LEKR1: variants seen among roughly 807,000 people sequenced by gnomAD.
LEKR1 encodes protein LEKR1.
A neutral mutation model predicts 72.4 loss-of-function variants in LEKR1; 59 were observed. The observed-to-expected ratio is 0.82, with a 90% confidence interval of 0.66 to 1.01. The LOEUF (loss-of-function observed/expected upper bound fraction) is 1.01. Ranked by LOEUF, LEKR1 falls within the 50% of genes least tolerant of loss-of-function variation. The pLI, the probability that LEKR1 is intolerant of heterozygous loss-of-function variation, is 0.00. For synonymous variants in LEKR1, 257 were observed against 263.2 expected (o/e 0.98, Z 0.23); for missense variants, 728 against 759.2 (o/e 0.96, Z 0.48).
Position 156,837,656 on chromosome 3 carries a change from G to A in LEKR1, c.48+8279G>A, listed in dbSNP as rs955880348. 2.0e-5 allele frequency among the ~76,000 whole-genome samples: 3 copies of A among 152,184 alleles called. No individual in the cohort carries two copies. The East Asian group carries it at 5.8e-4, about 29-fold the overall frequency. On this transcript the variant is annotated intron_variant, in intron 2 of 12. Coordinates refer to ENST00000356539, the MANE Select transcript of LEKR1 (RefSeq NM_001004316.3). ...ACTGAGAGGAAAGGAGTGAAACAAT[G>A]TGAATATTCATAGCACAAAGTGCAC...
intron 6 of LEKR1, among the ~76,000 whole-genome samples, chr3:156,960,366 AC>A (rs1459327999): frequency 6.6e-6 from 1 of 151,992 alleles, no homozygotes; most frequent in African/African-American, 2.4e-5. Flanking sequence ...GCTCACTGCA[AC>A]CTCCACCTCC....
intron 3 of LEKR1, among the ~76,000 whole-genome samples, chr3:156,909,634 C>T (rs183594404): frequency 4.3e-4 from 57 of 133,046 alleles, no homozygotes; most frequent in Admixed American, 1.3e-3. Flanking sequence ...CTGGGAGAGG[C>T]GACAGAGTGA....
intron 10 of LEKR1, among the ~76,000 whole-genome samples, chr3:157,023,178 T>C (rs73873772): frequency 3.9e-4 from 59 of 152,280 alleles, no homozygotes; most frequent in African/African-American, 1.4e-3. Flanking sequence ...TTTCTCCCAA[T>C]TTACCTGGCT....
chr3:157,036,304 T>TA (rs941388413), intron 12 of LEKR1, among the ~76,000 whole-genome samples: 26 of 151,942 alleles, frequency 1.7e-4, no homozygotes, highest in Admixed American at 7.2e-4. Context: ...ACTGAAATTT[T>TA]AAAAAAATCA....
chr3:157,036,158 A>G (rs1734955701), intron 12 of LEKR1, among the ~76,000 whole-genome samples: 1 of 152,228 alleles, frequency 6.6e-6, no homozygotes, highest in African/African-American at 2.4e-5. Flanking sequence ...AAAAAATACA[A>G]AACAATACAG....
intron 3 of LEKR1, among the ~76,000 whole-genome samples, chr3:156,881,395 T>A (rs911354058): frequency 6.6e-6 from 1 of 152,124 alleles, no homozygotes; most frequent in Admixed American, 6.5e-5. Context: ...GAACTCCCAT[T>A]CACAATTGCT....
chr3:156,849,078 TG>T (rs1714991234), intron 2 of LEKR1, among the ~76,000 whole-genome samples: 1 of 152,036 alleles, frequency 6.6e-6, no homozygotes, highest in Non-Finnish European at 1.5e-5. Context: ...ACAAAATCAA[TG>T]TGCAAAAATC....
chr3:156,865,615 GCCCATT>G (rs1717222838), intron 3 of LEKR1, among the ~76,000 whole-genome samples: 1 of 140,466 alleles, frequency 7.1e-6, no homozygotes, highest in Admixed American at 7.2e-5. Context: ...CTCTATCATT[GCCCATT>G]TTCAATTCAT....
At chr3:156,893,286 G>A (rs1720840524) in intron 3 of LEKR1, among the ~76,000 whole-genome samples, 2 of 152,252 alleles carry the variant, frequency 1.3e-5, no homozygotes, top group South Asian at 2.1e-4. Flanking sequence ...AGACTTTTTA[G>A]ATTTCACGAT....
At chr3:156,876,162 G>C (rs1718551048) in intron 3 of LEKR1, among the ~76,000 whole-genome samples, 2 of 151,932 alleles carry the variant, frequency 1.3e-5, no homozygotes, top group African/African-American at 2.4e-5. Flanking sequence ...TTTATTTCTG[G>C]GTTCTCTCTT....
At chr3:156,927,398 T>A (rs926960779) in intron 4 of LEKR1, 31 bp from the exon 5 acceptor site, 2 of 916,858 alleles carry the variant, frequency 2.2e-6, no homozygotes, top group Non-Finnish European at 2.8e-6. Flanking sequence ...TACTATTTTT[T>A]AAAATCCTAT....
chr3:156,854,425 C>T (rs914672030), intron 3 of LEKR1, among the ~76,000 whole-genome samples: 3 of 152,074 alleles, frequency 2.0e-5, no homozygotes, highest in South Asian at 2.1e-4. Flanking sequence ...GCATTATAGG[C>T]GTGAGCCACT....
At chr3:156,828,189 G>T (rs922955232) in intron 1 of LEKR1, among the ~76,000 whole-genome samples, 2 of 152,242 alleles carry the variant, frequency 1.3e-5, no homozygotes, top group Non-Finnish European at 2.9e-5. Context: ...ATGAGTCTTT[G>T]TGCTAACACA....
chr3:156,898,770 A>G (rs1352434583), intron 3 of LEKR1, among the ~76,000 whole-genome samples: 1 of 152,224 alleles, frequency 6.6e-6, no homozygotes, highest in Non-Finnish European at 1.5e-5. Context: ...ACACTAAAAT[A>G]TGGGTTTAAA....
At chr3:156,839,404 T>C (rs550843585) in intron 2 of LEKR1, among the ~76,000 whole-genome samples, 1 of 152,374 alleles carries the variant, frequency 6.6e-6, no homozygotes, top group Admixed American at 6.5e-5. Flanking sequence ...GCCATCATTC[T>C]TATAGAAAAA....
chr3:157,026,177 T>C (rs1329063074), intron 11 of LEKR1, among the ~76,000 whole-genome samples: 1 of 152,184 alleles, frequency 6.6e-6, no homozygotes, highest in Non-Finnish European at 1.5e-5. Context: ...CTGCCTCCCC[T>C]AGAGGGTTCT....
At chr3:157,018,466 A>G (rs1319201148) in intron 10 of LEKR1, among the ~76,000 whole-genome samples, 2 of 152,240 alleles carry the variant, frequency 1.3e-5, no homozygotes, top group Non-Finnish European at 2.9e-5. Flanking sequence ...TTCACATCAT[A>G]CAAATATTTT....
chr3:156,951,554 T>C (rs2107975994), intron 6 of LEKR1, among the ~76,000 whole-genome samples: 1 of 151,892 alleles, frequency 6.6e-6, no homozygotes, highest in Admixed American at 6.6e-5. Context: ...ATTGGTCTGT[T>C]CTGGGAATCA....
At chr3:156,843,070 C>G (rs1298929566) in intron 2 of LEKR1, among the ~76,000 whole-genome samples, 4 of 152,168 alleles carry the variant, frequency 2.6e-5, no homozygotes, top group Non-Finnish European at 5.9e-5. Flanking sequence ...GGATAACCAG[C>G]AGACTTACTA....
Sources: allele counts gnomAD v4.1 joint callset (sites outside exome capture counted in the v4.1 genomes callset), GRCh38; gene constraint gnomAD v4.1.1; transcripts MANE v1.5; gene names NCBI Gene and HGNC (gene_info 2026-07-23, HGNC 2026-07-21).